Variants in CC2D2A observed in about 807,000 individuals in gnomAD.
The protein encoded by CC2D2A is coiled-coil and C2 domain-containing protein 2A.
A neutral mutation model predicts 212.9 loss-of-function variants in CC2D2A; 155 were observed. The observed-to-expected ratio is 0.73, with a 90% CI of 0.64 to 0.83. The LOEUF (loss-of-function observed/expected upper bound fraction) is 0.83. CC2D2A is among the 40% of genes least tolerant of loss of function. The pLI is 0.00. For missense variants in CC2D2A, 1,856 were observed against 1,956.2 expected (o/e 0.95, Z 0.97); for synonymous variants, 667 against 686.5 (o/e 0.97, Z 0.44).
chr4:15,488,384 AT>A (rs1715120067), intron 4 of CC2D2A, among the ~76,000 whole-genome samples: 1 of 152,192 alleles, frequency 6.6e-6, no homozygotes, highest in African/African-American at 2.4e-5. Context: ...CACTTTGAAT[AT>A]ATCATCCCAT....
chr4:15,601,420 A>C lies in CC2D2A; in HGVS notation c.4858A>C (p.Arg1620=), dbSNP rs774187754. ...WIYVASLIRN[R] is the part of the protein sequence containing the mutation. ...CTATGTTGCCTCTCTTATACGCAACAGGTAATTTTTTTCACTGTACTTTCT... is the reference window on the plus strand; with the variant it reads ...CTATGTTGCCTCTCTTATACGCAACCGGTAATTTTTTTCACTGTACTTTCT... Residue 1620 remains arginine (R), a synonymous_variant, in exon 37 of 37, where the codon AGG becomes CGG. Transcript: ENST00000424120. 9.5e-6 allele frequency: 14 copies of C among 1,470,204 alleles called. No individual in the cohort carries two copies. Among genetic ancestry groups the C allele is most frequent in the Non-Finnish European group, 1.1e-5 (12 of 1,105,870 alleles). The allele number at this position is 1,470,204 out of a possible 1,614,324, so 91.1% of individuals were successfully genotyped here. A position where few individuals can be genotyped will look rare whatever the true frequency, so the allele number is the denominator to read the frequency against.
At chr4:15,486,882 T>C (rs1715031064) in intron 4 of CC2D2A, among the ~76,000 whole-genome samples, 1 of 152,060 alleles carries the variant, frequency 6.6e-6, no homozygotes. Context: ...ATTTTTTATT[T>C]TTTTAATTCA....
intron 8 of CC2D2A, 127 bp downstream of exon 8, chr4:15,511,550 G>C: frequency 1.2e-6 from 1 of 842,334 alleles, no homozygotes; most frequent in Non-Finnish European, 1.7e-6. Context: ...CTCCACGTCT[G>C]AGTTGAAATC....
intron 14 of CC2D2A, among the ~76,000 whole-genome samples, chr4:15,536,462 AAAAATT>A (rs1394043797): frequency 1.3e-5 from 2 of 152,312 alleles, no homozygotes; most frequent in East Asian, 3.9e-4. Context: ...TATAATTTTA[AAAAATT>A]AAAATTAAAA....
intron 33 of CC2D2A, 42 bp downstream of exon 33, chr4:15,589,721 T>C: frequency 7.3e-7 from 1 of 1,371,282 alleles, no homozygotes; most frequent in Non-Finnish European, 9.5e-7. Context: ...TAGCTGTCGT[T>C]TCTTTTAAAT....
At chr4:15,487,615 T>A (rs753126383) in intron 4 of CC2D2A, among the ~76,000 whole-genome samples, 13 of 152,046 alleles carry the variant, frequency 8.6e-5, no homozygotes, top group Non-Finnish European at 1.8e-4. Context: ...CCAATCTATG[T>A]CTTTTGATGG....
intron 11 of CC2D2A, 92 bp downstream of exon 11, chr4:15,516,848 C>G (rs1194103596): frequency 8.0e-7 from 1 of 1,255,026 alleles, no homozygotes; most frequent in Non-Finnish European, 1.1e-6. Context: ...TAACATTCTA[C>G]TTTAATTTTT....
intron 4 of CC2D2A, chr4:15,482,108 GT>G (rs1714710390): frequency 1.0e-6 from 1 of 985,218 alleles, no homozygotes; most frequent in African/African-American, 1.7e-5. Context: ...TTGTTAGACT[GT>G]TTTCCCTATG....
At position 15,567,712 on chromosome 4, in the gene CC2D2A, A is replaced by G; in HGVS notation, c.3324A>G (p.Gln1108=). The part of the protein sequence containing the change: ...LVRPFVEVSF[Q]RTVCHTTTAE... ...GTCCCTTTGTAGAAGTCTCTTTTCA[A>G]CGAACAGTTTGCCATACGACTACGG... Residue 1108 remains glutamine (Q), a synonymous_variant, in exon 26 of 37, where the codon CAA becomes CAG. Transcript: ENST00000424120. 2 of 1,605,376 alleles carry G rather than the reference A, an allele frequency of 1.2e-6. No homozygotes were observed.
intron 36 of CC2D2A, 69 bp from the exon 37 acceptor site, chr4:15,601,168 A>C: frequency 4.7e-6 from 6 of 1,289,192 alleles, no homozygotes; most frequent in Non-Finnish European, 6.6e-6. Flanking sequence ...AATTGCATAC[A>C]TTTACGTAGG....
intron 28 of CC2D2A, 151 bp downstream of exon 28, chr4:15,570,647 G>A (rs1198071349): frequency 6.4e-6 from 1 of 157,434 alleles, no homozygotes; most frequent in Non-Finnish European, 1.4e-5. Context: ...CTGAGGTCAG[G>A]AGTTGGAGAT....
At chr4:15,518,432 AG>A (rs1717008366) in intron 11 of CC2D2A, among the ~76,000 whole-genome samples, 1 of 152,092 alleles carries the variant, frequency 6.6e-6, no homozygotes, top group Admixed American at 6.5e-5. Context: ...GCTGGTGTTG[AG>A]TGTCTGCAGC....
chr4:15,530,003 ACT>A (rs10591802), intron 13 of CC2D2A, among the ~76,000 whole-genome samples: 47,924 of 150,202 alleles, frequency 0.32, 8,652 homozygotes, highest in Non-Finnish European at 0.42. Context: ...ACGGAGTCTC[ACT>A]CTGTCGCCCA....
chr4:15,501,728 G>A (rs527628145), intron 4 of CC2D2A, among the ~76,000 whole-genome samples: 5 of 152,228 alleles, frequency 3.3e-5, no homozygotes, highest in African/African-American at 4.8e-5. Flanking sequence ...CATTTATCAC[G>A]CAGGACTGCA....
chr4:15,585,972 TAAC>T (rs1459879877), intron 30 of CC2D2A, among the ~76,000 whole-genome samples, 182 bp from the exon 31 acceptor site: 1 of 152,210 alleles, frequency 6.6e-6, no homozygotes, highest in Non-Finnish European at 1.5e-5. Flanking sequence ...GAATGGGTAA[TAAC>T]AATAACCTTC....
At chr4:15,584,425 G>A (rs1372210225) in intron 30 of CC2D2A, among the ~76,000 whole-genome samples, 1 of 152,124 alleles carries the variant, frequency 6.6e-6, no homozygotes, top group African/African-American at 2.4e-5. Context: ...TCAATAAATG[G>A]TGCTGGAAAA....
intron 14 of CC2D2A, among the ~76,000 whole-genome samples, chr4:15,533,686 TCAG>T (rs1717972633): frequency 6.6e-6 from 1 of 152,242 alleles, no homozygotes; most frequent in African/African-American, 2.4e-5. Flanking sequence ...CTTCTTTTCT[TCAG>T]TACTGTGTTT....
chr4:15,496,761 C>A (rs1295010391), intron 4 of CC2D2A, among the ~76,000 whole-genome samples: 1 of 152,066 alleles, frequency 6.6e-6, no homozygotes, highest in Non-Finnish European at 1.5e-5. Context: ...CATTTCTACA[C>A]CCCAATAATG....
intron 17 of CC2D2A, among the ~76,000 whole-genome samples, chr4:15,543,009 C>A (rs538894404): frequency 1.3e-5 from 2 of 152,224 alleles, no homozygotes; most frequent in South Asian, 4.1e-4. Context: ...AGAGGCAGAA[C>A]CTGAAAGGGC....
Sources: gnomAD v4.1 joint callset for allele counts (sites outside exome capture counted in the v4.1 genomes callset) on GRCh38, gnomAD v4.1.1 for gene constraint, MANE v1.5 for transcripts, NCBI Gene and HGNC (gene_info 2026-07-23, HGNC 2026-07-21) for gene names.